KLF13: variants seen among roughly 807,000 people sequenced by gnomAD.
KLF13 encodes Krueppel-like factor 13.
Under a neutral mutation model 16.7 loss-of-function variants are expected in KLF13, and 8 were observed. The ratio of observed to expected loss-of-function variants is 0.48; its 90% CI spans 0.28 to 0.87. KLF13 has a LOEUF of 0.87. KLF13 is among the 40% of genes least tolerant of loss of function. The probability of loss-of-function intolerance (pLI) is 0.10; values close to 1 mark genes in which losing one functional copy is unlikely to be tolerated. For synonymous variants in KLF13, 245 were observed against 208.4 expected (o/e 1.18, Z -1.51); for missense variants, 447 against 452.2 (o/e 0.99, Z 0.10).
At chr15:31,344,448 A>G (rs1355512620) in intron 1 of KLF13, among the ~76,000 whole-genome samples, 1 of 109,540 alleles carries the variant, frequency 9.1e-6, no homozygotes, top group East Asian at 2.9e-4. Flanking sequence ...CCAGCCACCC[A>G]GACATTTGCC....
chr15:31,353,356 C>T (rs867938080), intron 1 of KLF13, among the ~76,000 whole-genome samples: 7 of 152,254 alleles, frequency 4.6e-5, no homozygotes, highest in Middle Eastern at 3.4e-3. Flanking sequence ...TGCAGGTGCT[C>T]TGGGTGTTGC....
chr15:31,404,661 C>A (rs1254564241), exon 3 of KLF13: 1 of 152,256 alleles, frequency 6.6e-6, no homozygotes, highest in Non-Finnish European at 1.5e-5. Flanking sequence ...GCAGGCAACC[C>A]ACTGGGTCCC....
chr15:31,328,401 T>TG (rs897094039), intron 1 of KLF13, among the ~76,000 whole-genome samples: 8 of 151,660 alleles, frequency 5.3e-5, no homozygotes, highest in African/African-American at 1.9e-4. Context: ...CGGCGGCGCT[T>TG]GGCGATGCGG....
At chr15:31,415,423 A>C (rs1030163379) in intron 1 of KLF13, among the ~76,000 whole-genome samples, 2 of 152,210 alleles carry the variant, frequency 1.3e-5, no homozygotes, top group African/African-American at 4.8e-5. Context: ...ACAGAATTGA[A>C]ATAATACAAA....
In KLF13 at chr15:31,327,731, C is replaced by T. The variant is rs201002318; in HGVS notation, c.519C>T (p.Gly173=). The change falls in exon 1 of 2, where the codon GGC becomes GGT. Residue 173 remains glycine, a synonymous_variant. Transcript: ENST00000307145. ...GGAAGCACAAGTGCCACTACGCGGG[C>T]TGCGAGAAAGTTTACGGGAAATCTT... ...PQRKHKCHYA[G]CEKVYGKSSH... is the part of the protein sequence containing the mutation. 508 of 1,537,758 alleles carry T rather than the reference C, an allele frequency of 3.3e-4. 2 individuals are homozygous for T. In the African/African-American group the frequency reaches 6.1e-3, roughly 18 times the overall value.
At chr15:31,333,977 A>G (rs2038882704) in intron 1 of KLF13, among the ~76,000 whole-genome samples, 1 of 152,024 alleles carries the variant, frequency 6.6e-6, no homozygotes, top group African/African-American at 2.4e-5. Flanking sequence ...ATGGGATATT[A>G]GCCTGTCCTA....
chr15:31,380,476 T>C (rs1205102909), downstream of KLF13, among the ~76,000 whole-genome samples: 1 of 152,182 alleles, frequency 6.6e-6, no homozygotes, highest in Non-Finnish European at 1.5e-5. Context: ...CACAGTGTTT[T>C]CCAAGTGGAC....
At chr15:31,352,133 C>A (rs1359464889) in intron 1 of KLF13, among the ~76,000 whole-genome samples, 1 of 152,178 alleles carries the variant, frequency 6.6e-6, no homozygotes, top group Non-Finnish European at 1.5e-5. Context: ...TTGGAGTTTA[C>A]ACAACAGAGG....
intron 1 of KLF13, among the ~76,000 whole-genome samples, chr15:31,355,463 C>T (rs1285718608): frequency 6.6e-6 from 1 of 152,182 alleles, no homozygotes; most frequent in Non-Finnish European, 1.5e-5. Context: ...CTTAAGGATC[C>T]TGTCTTTCTG....
chr15:31,347,724 C>T (rs1373973000), intron 1 of KLF13, among the ~76,000 whole-genome samples: 1 of 152,230 alleles, frequency 6.6e-6, no homozygotes, highest in African/African-American at 2.4e-5. Context: ...CCCATCCTGC[C>T]ATCCTGTGGC....
intron 1 of KLF13, among the ~76,000 whole-genome samples, chr15:31,333,777 C>T (rs960052351): frequency 8.5e-5 from 13 of 152,128 alleles, no homozygotes; most frequent in Non-Finnish European, 1.8e-4. Context: ...AGGATAGTTT[C>T]CCATCTTTTG....
intron 1 of KLF13, among the ~76,000 whole-genome samples, chr15:31,370,569 C>T (rs941519667): frequency 2.0e-5 from 3 of 152,038 alleles, no homozygotes; most frequent in Admixed American, 1.3e-4. Flanking sequence ...CAGGTGCACA[C>T]CACCACACCT....
chr15:31,411,529 G>C lies in KLF13; in HGVS notation n.117+17838G>C, dbSNP rs376252939. ...TCCTGCCTCAGCCTCCTGAGTAGCT[G>C]GGACTACAGGCGCCTGCCACCACAC... On this transcript the variant is annotated intron_variant and non_coding_transcript_variant, in intron 1 of 1. Transcript: ENST00000558225. Among the ~76,000 whole-genome samples the C allele has an allele frequency of 1.5e-4, 22 of 151,286 alleles. No individual in the cohort carries two copies. In the East Asian group the frequency reaches 4.3e-3, roughly 29 times the overall value.
At chr15:31,385,521 G>A (rs971748171) in intron 1 of KLF13, among the ~76,000 whole-genome samples, 3 of 152,106 alleles carry the variant, frequency 2.0e-5, no homozygotes, top group Admixed American at 6.5e-5. Flanking sequence ...TTGTGTCTTG[G>A]TCACATTTTG....
intron 1 of KLF13, among the ~76,000 whole-genome samples, chr15:31,354,152 T>C (rs1157938493): frequency 1.3e-5 from 2 of 152,176 alleles, no homozygotes; most frequent in African/African-American, 4.8e-5. Context: ...CAGGCTGCAG[T>C]TGACTGACAG....
At chr15:31,414,375 TAATATCAAATGCGAG>T in intron 1 of KLF13, among the ~76,000 whole-genome samples, 1 of 152,150 alleles carries the variant, frequency 6.6e-6, no homozygotes, top group Non-Finnish European at 1.5e-5. Context: ...ATTATATCAA[TAATATCAAATGCGAG>T]AGCGAATTAA....
At chr15:31,409,177 C>T (rs1053929059), downstream of KLF13, among the ~76,000 whole-genome samples, 6 of 151,858 alleles carry the variant, frequency 4.0e-5, no homozygotes, top group Middle Eastern at 3.2e-3. Context: ...CTCAGCTACT[C>T]GGGAGGCTGA....
intron 1 of KLF13, among the ~76,000 whole-genome samples, chr15:31,342,930 C>G (rs1435225901): frequency 6.6e-6 from 1 of 152,244 alleles, no homozygotes; most frequent in Admixed American, 6.5e-5. Context: ...CTAAGGAGAG[C>G]ATGGCCTTCC....
At chr15:31,367,448 C>G (rs1484786556) in intron 1 of KLF13, among the ~76,000 whole-genome samples, 1 of 152,184 alleles carries the variant, frequency 6.6e-6, no homozygotes, top group Non-Finnish European at 1.5e-5. Context: ...TGGCTGCACC[C>G]AACACCCACC....
Sources: allele counts gnomAD v4.1 joint callset (sites outside exome capture counted in the v4.1 genomes callset), GRCh38; gene constraint gnomAD v4.1.1; transcripts MANE v1.5; gene names NCBI Gene and HGNC (gene_info 2026-07-23, HGNC 2026-07-21).